The following ATXN1 variants were observed in gnomAD, a reference collection of about 807,000 sequenced individuals.
The protein encoded by ATXN1 is ataxin 1, also known as ataxin-1.
ATXN1 carries 8 observed loss-of-function variants against 56.4 expected under a neutral mutation model. The observed-to-expected ratio is 0.14, with a 90% CI of 0.08 to 0.26. The LOEUF (loss-of-function observed/expected upper bound fraction) is 0.26, where lower values mean the gene tolerates loss of function less well. ATXN1 is among the 10% of genes least tolerant of loss of function. The probability of loss-of-function intolerance (pLI) is 1.00; values close to 1 mark genes in which losing one functional copy is unlikely to be tolerated. For synonymous variants in ATXN1, 514 were observed against 494.6 expected (o/e 1.04, Z -0.52); for missense variants, 987 against 1,106.5 (o/e 0.89, Z 1.53).
At chr6:16,366,612 CT>C (rs1486258350) in intron 6 of ATXN1, among the ~76,000 whole-genome samples, 1 of 151,964 alleles carries the variant, frequency 6.6e-6, no homozygotes, top group Non-Finnish European at 1.5e-5. Context: ...GAAACCCCTT[CT>C]CTATTAAAAA....
intron 3 of ATXN1, among the ~76,000 whole-genome samples, chr6:16,636,737 C>A (rs1763603928): frequency 6.6e-6 from 1 of 152,200 alleles, no homozygotes; most frequent in Non-Finnish European, 1.5e-5. Flanking sequence ...CATAGCAGTG[C>A]TGTTTCAACA....
chr6:16,759,104 A>G (rs1053385590), intron 1 of ATXN1, among the ~76,000 whole-genome samples: 2 of 152,240 alleles, frequency 1.3e-5, no homozygotes, highest in Non-Finnish European at 2.9e-5. Flanking sequence ...CTCAGCTAAC[A>G]CTGTTGAAAA....
intron 2 of ATXN1, among the ~76,000 whole-genome samples, chr6:16,674,394 T>G (rs1758615648): frequency 7.3e-6 from 1 of 136,920 alleles, no homozygotes. Flanking sequence ...CAGGCTGGAG[T>G]GCAGTGGTGT....
Position 16,540,369 on chromosome 6 carries a change from G to A in ATXN1, c.-360-17681C>T, listed in dbSNP as rs1030223553. ...TGGGACTACAGGCGCGTGCCACCACGCCTGGCTAATTTTTTATATTTTTAG... is the reference window on the plus strand; with the variant it reads ...TGGGACTACAGGCGCGTGCCACCACACCTGGCTAATTTTTTATATTTTTAG... On this transcript the variant is annotated intron_variant, in intron 4 of 7. Transcript: ENST00000436367. 3.3e-5 allele frequency among the ~76,000 whole-genome samples: 5 copies of A among 152,012 alleles called. No individual in the cohort carries two copies. The East Asian group carries it at 9.6e-4, about 29-fold the overall frequency.
Position 16,737,328 on chromosome 6 carries a change from T to G in ATXN1, c.-615+15905A>C, listed in dbSNP as rs1316475255. The G allele has an allele frequency of 2.0e-5, 3 of 152,342 alleles. No individual in the cohort carries two copies. The East Asian group carries it at 5.8e-4, about 29-fold the overall frequency. The allele number at this position is 152,342 out of a possible 1,614,324, so 9.4% of individuals were successfully genotyped here. ...AACACAGAAAGAAGCTTAATTATTT[T>G]TAAACAGCTAGTGTAATATTGTAAA... On this transcript the variant is annotated intron_variant, in intron 2 of 7. Transcript: ENST00000436367.
chr6:16,603,129 G>A (rs1181476376), intron 3 of ATXN1, among the ~76,000 whole-genome samples: 3 of 152,184 alleles, frequency 2.0e-5, no homozygotes. Context: ...CCTACCTAGA[G>A]TCACCTCACT....
At chr6:16,396,585 C>T (rs1758464086) in intron 6 of ATXN1, among the ~76,000 whole-genome samples, 2 of 152,066 alleles carry the variant, frequency 1.3e-5, no homozygotes, top group African/African-American at 4.8e-5. Context: ...AATTTATTAT[C>T]AAAGAAAGAA....
intron 3 of ATXN1, among the ~76,000 whole-genome samples, chr6:16,606,847 A>T (rs1342606045): frequency 5.4e-5 from 2 of 37,348 alleles, no homozygotes; most frequent in African/African-American, 1.4e-4. Flanking sequence ...ATTTTGGGGG[A>T]AAGTATACAG....
intron 2 of ATXN1, among the ~76,000 whole-genome samples, chr6:16,727,846 C>T (rs551800034): frequency 6.6e-6 from 1 of 152,190 alleles, no homozygotes; most frequent in Non-Finnish European, 1.5e-5. Flanking sequence ...TCGTCAGAGA[C>T]CGTTTCCTCC....
intron 2 of ATXN1, among the ~76,000 whole-genome samples, chr6:16,743,994 G>A (rs191256598): frequency 7.9e-5 from 12 of 152,206 alleles, no homozygotes; most frequent in Non-Finnish European, 1.5e-4. Flanking sequence ...ACCCAGGGAG[G>A]GAGTTAAGAA....
chr6:16,644,360 C>T lies in ATXN1; in HGVS notation c.-489+13416G>A, dbSNP rs547432620. On this transcript the variant is annotated intron_variant, in intron 3 of 7. Coordinates refer to ENST00000436367, the MANE Select transcript of ATXN1 (RefSeq NM_001128164.2). The stretch of plus-strand genomic sequence containing the variant: ...TGAAACCCCATCTCTACTAAAAATA[C>T]AAAAATTCCCTGGGCGTGGCGGCAT... 9.5e-4 allele frequency among the ~76,000 whole-genome samples: 144 copies of T among 152,062 alleles called. 1 individual carries two copies. Among genetic ancestry groups the T allele is most frequent in the African/African-American group, 3.3e-3 (137 of 41,480 alleles).
At position 16,390,612 on chromosome 6, in the gene ATXN1, C is replaced by T. The variant is rs573411407; in HGVS notation, c.-160-62142G>A. ...CTAGCGTCATATCTCCCTGATGATCCGTGGTAGTGGCGTTAATCCATTTAC... is the reference window on the plus strand; with the variant it reads ...CTAGCGTCATATCTCCCTGATGATCTGTGGTAGTGGCGTTAATCCATTTAC... On this transcript the variant is annotated intron_variant, in intron 6 of 7. Coordinates refer to ENST00000436367, the MANE Select transcript of ATXN1 (RefSeq NM_001128164.2). 2.0e-5 allele frequency among the ~76,000 whole-genome samples: 3 copies of T among 151,712 alleles called. No homozygotes were observed. In the South Asian group the frequency reaches 6.2e-4, roughly 32 times the overall value.
chr6:16,491,377 C>T, intron 5 of ATXN1, among the ~76,000 whole-genome samples: 1 of 151,104 alleles, frequency 6.6e-6, no homozygotes, highest in Non-Finnish European at 1.5e-5. Flanking sequence ...CTCTGCCTCC[C>T]AGGTTCAAGC....
At chr6:16,722,947 T>C (rs1387720765) in intron 2 of ATXN1, among the ~76,000 whole-genome samples, 2 of 152,192 alleles carry the variant, frequency 1.3e-5, no homozygotes, top group Non-Finnish European at 2.9e-5. Flanking sequence ...CACACGCAAA[T>C]ACAGAAGTAT....
At chr6:16,630,486 C>T (rs992584127) in intron 3 of ATXN1, among the ~76,000 whole-genome samples, 1 of 152,126 alleles carries the variant, frequency 6.6e-6, no homozygotes, top group Admixed American at 6.5e-5. Context: ...ACAGGGGATT[C>T]ATGGAGGAAA....
chr6:16,434,763 G>T (rs758911727), intron 6 of ATXN1, among the ~76,000 whole-genome samples: 2 of 152,162 alleles, frequency 1.3e-5, no homozygotes, highest in African/African-American at 4.8e-5. Context: ...GATTGAACGG[G>T]GAGAAACAGG....
chr6:16,509,677 G>A (rs192213430), intron 5 of ATXN1, among the ~76,000 whole-genome samples: 53 of 152,126 alleles, frequency 3.5e-4, no homozygotes, highest in Admixed American at 9.8e-4. Context: ...CCCCACTCCC[G>A]TCTATCCTAC....
intron 2 of ATXN1, among the ~76,000 whole-genome samples, chr6:16,692,730 T>C (rs1759075826): frequency 6.6e-6 from 1 of 152,236 alleles, no homozygotes; most frequent in African/African-American, 2.4e-5. Context: ...ACTTTACCTG[T>C]ATTCCATTGT....
Position 16,449,851 on chromosome 6 carries a change from TA to T in ATXN1, c.-161+36120del, listed in dbSNP as rs1456156642. On this transcript the variant is annotated intron_variant, in intron 6 of 7. Coordinates refer to ENST00000436367, the MANE Select transcript of ATXN1 (RefSeq NM_001128164.2). ...GTTTTCTCAATACTGCACAACAACA[TA>T]AAAAATATACCTAACAACAAAAGGC... Among the ~76,000 whole-genome samples the T allele has an allele frequency of 2.2e-4, 33 of 152,226 alleles. No individual in the cohort carries two copies. In the East Asian group the frequency reaches 5.8e-3, roughly 27 times the overall value.
Sources: allele counts gnomAD v4.1 joint callset (sites outside exome capture counted in the v4.1 genomes callset), GRCh38; gene constraint gnomAD v4.1.1; transcripts MANE v1.5; gene names NCBI Gene and HGNC (gene_info 2026-07-23, HGNC 2026-07-21).